Variants in NRBP2 observed in about 807,000 individuals in gnomAD.
NRBP2 encodes the protein nuclear receptor binding protein 2, also known as nuclear receptor-binding protein 2.
NRBP2 carries 47 observed loss-of-function variants against 74.4 expected under a neutral mutation model. The observed-to-expected ratio is 0.63, with a 90% confidence interval of 0.50 to 0.81. The LOEUF (loss-of-function observed/expected upper bound fraction) is 0.81. Ranked by LOEUF, NRBP2 falls within the 30% of genes least tolerant of loss-of-function variation. The probability of loss-of-function intolerance (pLI) is 0.00; values close to 1 mark genes in which losing one functional copy is unlikely to be tolerated. For missense variants in NRBP2, 613 were observed against 690.1 expected (o/e 0.89, Z 1.25); for synonymous variants, 312 against 273.8 (o/e 1.14, Z -1.38).
chr8:143,833,341 G>C (rs1370015927), downstream of NRBP2: 1 of 152,164 alleles, frequency 6.6e-6, no homozygotes. Context: ...TGCCATCCTA[G>C]AACACCGTGT....
chr8:143,837,101 G>T lies in NRBP2; in HGVS notation c.1201C>A (p.Pro401Thr). Residue 401 changes from proline (P) to threonine (T), a missense_variant, in exon 14 of 18, where the codon CCG becomes ACG. Physicochemically the swap from Pro to Thr is conservative, Grantham distance 38. Coordinates refer to ENST00000442628, the MANE Select transcript of NRBP2 (RefSeq NM_178564.4). The surrounding 1 kb of genome is among the most constrained non-coding windows in gnomAD (Gnocchi z 4.3). ...GTCTTGGCCTTTTGGACCTCCTCCG[G>T]GGGTGGGGCCAGCACACGGGGCAGC... ...LGLPRVLAPP[P>T]EEVQKAKTPT... 6.2e-7 allele frequency: 1 copy of T among 1,612,568 alleles called. No individual in the cohort carries two copies. The highest frequency in any genetic ancestry group is 8.5e-7 in the Non-Finnish European group (1 of 1,179,426).
chr8:143,837,876 G>T lies in NRBP2; in HGVS notation c.841-121C>A. 1 of 1,273,370 alleles carries T rather than the reference G, an allele frequency of 7.9e-7. No homozygotes were observed. Among genetic ancestry groups the T allele is most frequent in the Non-Finnish European group, 1.1e-6 (1 of 904,790 alleles). 78.9% of individuals were successfully genotyped at this position (1,273,370 alleles called of 1,614,324 possible). The stretch of plus-strand genomic sequence containing the variant: ...TCCTCAGGGACACACAGGACATGCA[G>T]GGATGCCCATAGGGAGGAGTCCCAG... On this transcript the variant is annotated intron_variant, in intron 10 of 17. Transcript: ENST00000442628. The surrounding 1 kb of genome is among the most constrained non-coding windows in gnomAD (Gnocchi z 4.3).
chr8:143,830,939 A>C (rs1818138410), downstream of NRBP2, among the ~76,000 whole-genome samples: 1 of 152,248 alleles, frequency 6.6e-6, no homozygotes, highest in Non-Finnish European at 1.5e-5. Flanking sequence ...AGTCTTCCAG[A>C]ATGTATAATG....
Position 143,838,691 on chromosome 8 carries a change from G to C in NRBP2, c.829C>G (p.Pro277Ala). 1 of 1,608,958 alleles carries C rather than the reference G, an allele frequency of 6.2e-7. No homozygotes were observed. The highest frequency in any genetic ancestry group is 8.5e-7 in the Non-Finnish European group (1 of 1,177,532). Residue 277 changes from proline (P) to alanine (A), a missense_variant, in exon 10 of 18, where the codon CCC becomes GCC. Transcript: ENST00000442628. ...IARARHSLSD[P>A]NMREFILCCL... ...GGCAAGCTGCTTACCCGCATGTTGG[G>C]GTCACTCAGCGAGTGCCTGGCGCGA... is the stretch of plus-strand genomic sequence containing the variant.
At position 143,835,783 on chromosome 8, in the gene NRBP2, C is replaced by G. The variant is rs989578628; in HGVS notation, c.1437+37G>C. 3.7e-6 allele frequency: 6 copies of G among 1,602,410 alleles called. No individual in the cohort carries two copies. The highest frequency in any genetic ancestry group is 5.1e-6 in the Non-Finnish European group (6 of 1,174,852). On this transcript the variant is annotated intron_variant, in intron 17 of 17. Transcript: ENST00000442628. This position sits in a 1 kb window ranked among gnomAD's most constrained non-coding sequence, Gnocchi z 4.9. ...GGAGGGGCGCGGCCTGCCCCGTGCG[C>G]CCCCTCCGCCAGGCCGCGCCGCACC...
intron 14 of NRBP2, among the ~76,000 whole-genome samples, 157 bp from the exon 15 acceptor site, chr8:143,836,337 C>G (rs1309952233): frequency 2.0e-5 from 3 of 152,038 alleles, no homozygotes; most frequent in Non-Finnish European, 4.4e-5. Context: ...AGGAAAGCTT[C>G]GAGAAGAGTC....
chr8:143,836,259 C>T, intron 14 of NRBP2, 79 bp from the exon 15 acceptor site: 2 of 1,437,432 alleles, frequency 1.4e-6, no homozygotes, highest in South Asian at 1.5e-5. Context: ...CGGGAAGGGA[C>T]AGCAAAGACT....
chr8:143,835,819 C>A lies in NRBP2; in HGVS notation c.1437+1G>T. ...AGGCCGCGCCGCACCGCCCAGCGCA[C>A]CTCGTGGAGGAAGCCATAGTGCACG... is the stretch of plus-strand genomic sequence containing the variant. On this transcript the variant is annotated splice_donor_variant, in intron 17 of 17. Transcript: ENST00000442628. LOFTEE classifies it high-confidence loss of function. The surrounding 1 kb of genome is among the most constrained non-coding windows in gnomAD (Gnocchi z 4.9). The A allele has an allele frequency of 6.2e-7, 1 of 1,601,052 alleles. No homozygotes were observed. The highest frequency in any genetic ancestry group is 1.1e-5 in the South Asian group (1 of 89,962).
Position 143,837,639 on chromosome 8 carries a change from G to A in NRBP2, c.957C>T (p.Cys319=), listed in dbSNP as rs1554652295. 10 of 1,599,606 alleles carry A rather than the reference G, an allele frequency of 6.3e-6. No individual in the cohort carries two copies. The highest frequency in any genetic ancestry group is 8.5e-6 in the Non-Finnish European group (10 of 1,173,346). Residue 319 remains cysteine (C), a synonymous_variant, in exon 11 of 18, where the codon TGC becomes TGT. Transcript: ENST00000442628. This position sits in a 1 kb window ranked among gnomAD's most constrained non-coding sequence, Gnocchi z 4.3. ...GCTGCTCACACTGGTGCTGGATGAA[G>A]CAGTGGGCTGCCAGGAGCTTCAGCG... ...VHSLKLLAAH[C]FIQHQYLMPE...
In NRBP2 at chr8:143,837,749, T is replaced by C. The variant is rs1346247526; in HGVS notation, c.847A>G (p.Ile283Val). 1.3e-6 allele frequency: 2 copies of C among 1,559,932 alleles called. No individual in the cohort carries two copies. The highest frequency in any genetic ancestry group is 1.7e-6 in the Non-Finnish European group (2 of 1,151,154). Residue 283 changes from isoleucine to valine, a missense_variant, in exon 11 of 18, where the codon ATC becomes GTC. This residue lies in a region of NRBP2 where 332 missense variants were observed against 429.2 expected (regional missense o/e 0.77). Transcript: ENST00000442628. The surrounding 1 kb of genome is among the most constrained non-coding windows in gnomAD (Gnocchi z 4.3). Reference protein sequence around the residue: ...SLSDPNMREFILCCLARDPAR... With the variant: ...SLSDPNMREFVLCCLARDPAR... The stretch of plus-strand genomic sequence containing the variant: ...GGGTCCCGGGCCAGGCAGCAAAGGA[T>C]GAACTCCTGGGGCACAGGGAGGAGA...
rs1290038308 is a variant in NRBP2, at chr8:143,834,756, G to A, written c.*906C>T. On this transcript the variant is annotated 3_prime_UTR_variant, in exon 18 of 18. Transcript: ENST00000442628. Reference sequence around the variant, plus strand: ...AGGAAGGCAGGGGTAGAATCCATGAGGGCATAGAAATCTCTAAGACTGAGC... The same window carrying A: ...AGGAAGGCAGGGGTAGAATCCATGAAGGCATAGAAATCTCTAAGACTGAGC... 3.9e-5 allele frequency: 6 copies of A among 152,494 alleles called. No individual in the cohort carries two copies. Among genetic ancestry groups the A allele is most frequent in the African/African-American group, 1.4e-4 (6 of 41,568 alleles). The allele number at this position is 152,494 out of a possible 1,614,324, so 9.4% of individuals were successfully genotyped here. A position where few individuals can be genotyped will look rare whatever the true frequency, so the allele number is the denominator to read the frequency against.
At position 143,837,090 on chromosome 8, in the gene NRBP2, G is replaced by C. The variant is rs782737219; in HGVS notation, c.1212C>G (p.Val404=). Residue 404 remains valine, a synonymous_variant, in exon 14 of 18, where the codon GTC becomes GTG. Transcript: ENST00000442628. The surrounding 1 kb of genome is among the most constrained non-coding windows in gnomAD (Gnocchi z 4.3). ...PRVLAPPPEE[V]QKAKTPTPEP... ...CTGGCGTCGGGGTCTTGGCCTTTTG[G>C]ACCTCCTCCGGGGGTGGGGCCAGCA... The C allele has an allele frequency of 1.9e-6, 3 of 1,611,668 alleles. No homozygotes were observed. The highest frequency in any genetic ancestry group is 3.3e-4 in the Middle Eastern group (2 of 6,030).
At position 143,836,185 on chromosome 8, in the gene NRBP2, A is replaced by G. The variant is rs782176052; in HGVS notation, c.1264-5T>C. The G allele has an allele frequency of 2.3e-5, 35 of 1,547,882 alleles. No homozygotes were observed. The highest frequency in any genetic ancestry group is 2.9e-5 in the Non-Finnish European group (33 of 1,154,460). On this transcript the variant is annotated splice_region_variant and splice_polypyrimidine_tract_variant and intron_variant, in intron 14 of 17. Coordinates refer to ENST00000442628, the MANE Select transcript of NRBP2 (RefSeq NM_178564.4). ...GTTGCACTGCATCTGGATGACCTGC[A>G]GCGGGGGAAGGCTGGGACTCACAAA...
In NRBP2 at chr8:143,835,874, C is replaced by T. The variant is rs372882215; in HGVS notation, c.1383G>A (p.Thr461=). ...CCGAGGCGAGGTCCTGGGCGCTGTCCGCTGAGGCAATGGCGTAAGGCGAGG... is the reference window on the plus strand; with the variant it reads ...CCGAGGCGAGGTCCTGGGCGCTGTCTGCTGAGGCAATGGCGTAAGGCGAGG... ...HRQLTYDLLP[T]DSAQDLASEL... Residue 461 remains threonine, a splice_region_variant and synonymous_variant, in exon 17 of 18, where the codon ACG becomes ACA. Transcript: ENST00000442628. This position sits in a 1 kb window ranked among gnomAD's most constrained non-coding sequence, Gnocchi z 4.9. 1.5e-5 allele frequency: 24 copies of T among 1,603,190 alleles called. No individual in the cohort carries two copies. Among genetic ancestry groups the T allele is most frequent in the Admixed American group, 8.4e-5 (5 of 59,446 alleles).
intron 10 of NRBP2, chr8:143,838,180 G>A (rs1428713351): frequency 2.0e-5 from 8 of 405,008 alleles, no homozygotes; most frequent in Non-Finnish European, 3.3e-5. Context: ...CATCTCCTGA[G>A]GCCATGGAGT....
chr8:143,839,440 A>C lies in NRBP2; in HGVS notation c.486-32T>G, dbSNP rs1818591382. 1 of 1,537,188 alleles carries C rather than the reference A, an allele frequency of 6.5e-7. No homozygotes were observed. Among genetic ancestry groups the C allele is most frequent in the African/African-American group, 1.4e-5 (1 of 72,062 alleles). ...ACGTTGGGGAGGGGAGAGTAGGAGGAGCCGGTCAGGAGGCTCTGGAGAGAT... is the reference window on the plus strand; with the variant it reads ...ACGTTGGGGAGGGGAGAGTAGGAGGCGCCGGTCAGGAGGCTCTGGAGAGAT... On this transcript the variant is annotated intron_variant, in intron 5 of 17. Transcript: ENST00000442628. The surrounding 1 kb of genome is among the most constrained non-coding windows in gnomAD (Gnocchi z 5.1).
chr8:143,839,832 G>C lies in NRBP2; in HGVS notation c.355-7C>G. The C allele has an allele frequency of 2.0e-6, 3 of 1,535,998 alleles. No homozygotes were observed. Among genetic ancestry groups the C allele is most frequent in the Non-Finnish European group, 1.7e-6 (2 of 1,146,816 alleles). On this transcript the variant is annotated splice_region_variant and splice_polypyrimidine_tract_variant and intron_variant, in intron 3 of 17. Transcript: ENST00000442628. The surrounding 1 kb of genome is among the most constrained non-coding windows in gnomAD (Gnocchi z 5.1). ...ACTCTGTGATGAAGATGACCTGCACGGTGCGAGCTCAGGATTTCCACCAGC... is the reference window on the plus strand; with the variant it reads ...ACTCTGTGATGAAGATGACCTGCACCGTGCGAGCTCAGGATTTCCACCAGC...
Position 143,839,638 on chromosome 8 carries a change from C to G in NRBP2, c.445-89G>C. ...GCCCGCCCCGCATCCTCGCCCAGCC[C>G]CTGTCCGAGGCCGCCGGGCACCCCC... is the stretch of plus-strand genomic sequence containing the variant. On this transcript the variant is annotated intron_variant, in intron 4 of 17. Coordinates refer to ENST00000442628, the MANE Select transcript of NRBP2 (RefSeq NM_178564.4). This position sits in a 1 kb window ranked among gnomAD's most constrained non-coding sequence, Gnocchi z 5.1. The G allele has an allele frequency of 6.6e-7, 1 of 1,511,670 alleles. No individual in the cohort carries two copies. 93.6% of individuals were successfully genotyped at this position (1,511,670 alleles called of 1,614,324 possible). A position where few individuals can be genotyped will look rare whatever the true frequency, so the allele number is the denominator to read the frequency against.
In NRBP2 at chr8:143,839,202, A is replaced by T; in HGVS notation, c.581-7T>A. On this transcript the variant is annotated splice_region_variant and splice_polypyrimidine_tract_variant and intron_variant, in intron 6 of 17. Coordinates refer to ENST00000442628, the MANE Select transcript of NRBP2 (RefSeq NM_178564.4). The surrounding 1 kb of genome is among the most constrained non-coding windows in gnomAD (Gnocchi z 5.1). ...GAGAAGATTCGGTGCCACACTGCCA[A>T]GGGGCGGGAGAAAGAGTGGAGTTAG... 1 of 1,530,814 alleles carries T rather than the reference A, an allele frequency of 6.5e-7. No homozygotes were observed. Among genetic ancestry groups the T allele is most frequent in the Non-Finnish European group, 8.7e-7 (1 of 1,143,120 alleles). The allele number at this position is 1,530,814 out of a possible 1,614,324, so 94.8% of individuals were successfully genotyped here. A position where few individuals can be genotyped will look rare whatever the true frequency, so the allele number is the denominator to read the frequency against.
Sources: gnomAD v4.1 joint callset for allele counts (sites outside exome capture counted in the v4.1 genomes callset) on GRCh38, gnomAD v4.1.1 for gene constraint, gnomAD v4.1.1 regional missense constraint, Gnocchi (gnomAD v3.1) non-coding constraint, MANE v1.5 for transcripts, NCBI Gene and HGNC (gene_info 2026-07-23, HGNC 2026-07-21) for gene names.